The following EPM2A variants were observed in gnomAD, a reference collection of about 807,000 sequenced individuals.
EPM2A encodes laforin.
Under a neutral mutation model 26.5 loss-of-function variants are expected in EPM2A, and 21 were observed. The observed-to-expected ratio is 0.79, with a 90% confidence interval of 0.56 to 1.14. The LOEUF (loss-of-function observed/expected upper bound fraction) is 1.14. Among genes scored for constraint, EPM2A ranks in the 50% most tolerant of loss-of-function variants. The pLI is 0.00. For synonymous variants in EPM2A, 217 were observed against 177.6 expected, an observed-to-expected ratio of 1.22 and a Z score of -1.76; for missense variants, 458 against 440.8, an observed-to-expected ratio of 1.04 and a Z score of -0.35.
chr6:145,502,593 G>A (rs1379584846), intron 2 of EPM2A: 1 of 470,874 alleles, frequency 2.1e-6, no homozygotes, highest in East Asian at 7.0e-5. Context: ...AAGGAGGAGA[G>A]GAGTGGCAGC....
At chr6:145,490,126 A>G (rs1478936319) in intron 4 of EPM2A, 2 of 1,160,300 alleles carry the variant, frequency 1.7e-6, no homozygotes, top group East Asian at 4.7e-5. Context: ...TTGATATGTC[A>G]CAGGTTCAGT....
chr6:145,689,156 A>G (rs1781119562), intron 1 of EPM2A, among the ~76,000 whole-genome samples: 1 of 152,212 alleles, frequency 6.6e-6, no homozygotes, highest in South Asian at 2.1e-4. Flanking sequence ...ACTCATTTTT[A>G]CACATTTATG....
At chr6:145,391,822 T>A (rs1778340377) in intron 4 of EPM2A, among the ~76,000 whole-genome samples, 1 of 152,110 alleles carries the variant, frequency 6.6e-6, no homozygotes, top group Non-Finnish European at 1.5e-5. Context: ...ATCTCCCACT[T>A]TTAGGCTGAA....
chr6:145,581,564 T>G (rs1781113945), intron 2 of EPM2A, among the ~76,000 whole-genome samples: 1 of 152,182 alleles, frequency 6.6e-6, no homozygotes, highest in Non-Finnish European at 1.5e-5. Context: ...TCATGAAGTC[T>G]TTGACAGGTC....
At chr6:145,697,905 A>T (rs1023919388) in intron 1 of EPM2A, among the ~76,000 whole-genome samples, 1 of 152,182 alleles carries the variant, frequency 6.6e-6, no homozygotes, top group Non-Finnish European at 1.5e-5. Flanking sequence ...TCCTGAGGCG[A>T]CATACATCCT....
intron 4 of EPM2A, among the ~76,000 whole-genome samples, chr6:145,456,389 C>G (rs9403704): frequency 1.2e-4 from 18 of 152,126 alleles, no homozygotes; most frequent in African/African-American, 4.3e-4. Context: ...GACTAATCTA[C>G]AGTTGAAGCA....
At chr6:145,414,952 C>T (rs1778688233) in intron 4 of EPM2A, among the ~76,000 whole-genome samples, 1 of 152,090 alleles carries the variant, frequency 6.6e-6, no homozygotes, top group African/African-American at 2.4e-5. Context: ...CTTCAAAGAC[C>T]TCTTTGGCTC....
intron 4 of EPM2A, among the ~76,000 whole-genome samples, chr6:145,460,700 C>T (rs993765736): frequency 5.9e-5 from 9 of 152,010 alleles, no homozygotes; most frequent in Admixed American, 2.0e-4. Context: ...GAGCAGACTG[C>T]GTTAGACTCT....
intron 2 of EPM2A, among the ~76,000 whole-genome samples, chr6:145,616,243 A>G (rs1775509828): frequency 6.6e-6 from 1 of 152,264 alleles, no homozygotes; most frequent in Admixed American, 6.5e-5. Context: ...AAAGGGGCCA[A>G]CATAGAGCTC....
chr6:145,666,883 T>C (rs2128594399), intron 2 of EPM2A, among the ~76,000 whole-genome samples: 1 of 147,286 alleles, frequency 6.8e-6, no homozygotes, highest in African/African-American at 2.7e-5. Context: ...ATCTGATCTT[T>C]GACAAACCTG....
At chr6:145,398,040 C>G (rs1257513359) in intron 4 of EPM2A, among the ~76,000 whole-genome samples, 1 of 152,162 alleles carries the variant, frequency 6.6e-6, no homozygotes. Flanking sequence ...TACCCACCCC[C>G]ACCTTGCTAA....
At chr6:145,723,985 C>G (rs562904604) in intron 1 of EPM2A, among the ~76,000 whole-genome samples, 1 of 152,054 alleles carries the variant, frequency 6.6e-6, no homozygotes, top group South Asian at 2.1e-4. Flanking sequence ...ACTTGCAGAG[C>G]TTACACAGAA....
At chr6:145,595,017 A>T (rs1292800612) in intron 2 of EPM2A, among the ~76,000 whole-genome samples, 1 of 151,594 alleles carries the variant, frequency 6.6e-6, no homozygotes, top group Non-Finnish European at 1.5e-5. Flanking sequence ...TATTTAATTC[A>T]TGGTATCAGA....
intron 1 of EPM2A, among the ~76,000 whole-genome samples, chr6:145,728,512 C>T (rs1562528121): frequency 6.6e-6 from 1 of 152,186 alleles, no homozygotes; most frequent in Admixed American, 6.5e-5. Flanking sequence ...CAGCATTGTG[C>T]TCCTGCTCTA....
intron 4 of EPM2A, among the ~76,000 whole-genome samples, chr6:145,415,856 C>T (rs1582737955): frequency 6.7e-6 from 1 of 149,712 alleles, no homozygotes; most frequent in East Asian, 2.0e-4. Context: ...ACTCCCCAGG[C>T]TCCTAAGCCC....
intron 4 of EPM2A, among the ~76,000 whole-genome samples, chr6:145,446,327 G>A (rs893777373): frequency 1.1e-4 from 17 of 152,156 alleles, no homozygotes; most frequent in African/African-American, 3.6e-4. Flanking sequence ...TCAAGTTCTG[G>A]TATAATATGC....
intron 4 of EPM2A, among the ~76,000 whole-genome samples, chr6:145,493,179 G>A (rs1263811952): frequency 1.3e-5 from 2 of 152,202 alleles, no homozygotes; most frequent in African/African-American, 2.4e-5. Context: ...GGTGGCCACA[G>A]TACCACTAAT....
intron 4 of EPM2A, among the ~76,000 whole-genome samples, chr6:145,411,650 TAA>T (rs367960797): frequency 8.0e-4 from 121 of 152,174 alleles, no homozygotes; most frequent in African/African-American, 2.7e-3. Flanking sequence ...TTTTCAAACA[TAA>T]ACAAAAGTAC....
chr6:145,718,139 A>G (rs982939364), intron 1 of EPM2A, among the ~76,000 whole-genome samples: 15 of 152,082 alleles, frequency 9.9e-5, no homozygotes, highest in Non-Finnish European at 2.1e-4. Context: ...ATATGGAACC[A>G]AAAAAGAGCC....
Sources: gnomAD v4.1 joint callset for allele counts (sites outside exome capture counted in the v4.1 genomes callset) on GRCh38, gnomAD v4.1.1 for gene constraint, MANE v1.5 for transcripts, NCBI Gene and HGNC (gene_info 2026-07-23, HGNC 2026-07-21) for gene names.